The following AHNAK variants were observed in gnomAD, a reference collection of about 807,000 sequenced individuals.
AHNAK encodes AHNAK nucleoprotein.
In AHNAK, 23 loss-of-function variants were observed where a neutral mutation model predicts 37.8. The ratio of observed to expected loss-of-function variants is 0.61; its 90% CI spans 0.44 to 0.86. The LOEUF (loss-of-function observed/expected upper bound fraction) is 0.86, where lower values mean the gene tolerates loss of function less well. Among genes scored for constraint, AHNAK ranks in the 40% least tolerant of loss-of-function variants. The probability of loss-of-function intolerance (pLI) is 0.00; values close to 1 mark genes in which losing one functional copy is unlikely to be tolerated. For missense variants in AHNAK, 7,411 were observed against 7,319.4 expected, an observed-to-expected ratio of 1.01 and a Z score of -0.46; for synonymous variants, 2,481 against 2,636.3, an observed-to-expected ratio of 0.94 and a Z score of 1.80.
At chr11:62,483,851 T>A (rs979668155) in intron 5 of AHNAK, among the ~76,000 whole-genome samples, 2 of 120,950 alleles carry the variant, frequency 1.7e-5, no homozygotes, top group Non-Finnish European at 3.3e-5. Context: ...AGAGCAAGAC[T>A]CCATCTCAAA....
intron 5 of AHNAK, among the ~76,000 whole-genome samples, chr11:62,467,423 G>A (rs1193339159): frequency 6.6e-6 from 1 of 152,094 alleles, no homozygotes; most frequent in Non-Finnish European, 1.5e-5. Context: ...AGTGGCTCAC[G>A]CCTGTAATCC....
In AHNAK at chr11:62,519,673, T is replaced by C. The variant is rs760626367; in HGVS notation, c.14744A>G (p.Lys4915Arg). The change falls in exon 5 of 5, where the codon AAA (lysine) becomes AGA (arginine). Residue 4915 changes from lysine (K) to arginine (R), a missense_variant. Coordinates refer to ENST00000378024, the MANE Select transcript of AHNAK (RefSeq NM_001620.3). ...KMPSLEISAPKVTAPDVDLHL... is the reference protein window; with the variant it reads ...KMPSLEISAPRVTAPDVDLHL... ...CAAATCAACATCAGGAGCAGTTACT[T>C]TAGGAGCAGATATCTCCAGCGATGG... 1.2e-6 allele frequency: 2 copies of C among 1,613,974 alleles called. No homozygotes were observed. The highest frequency in any genetic ancestry group is 2.7e-5 in the African/African-American group (2 of 75,012).
chr11:62,528,478 G>A lies in AHNAK; in HGVS notation c.5939C>T (p.Pro1980Leu). 1 of 1,613,122 alleles carries A rather than the reference G, an allele frequency of 6.2e-7. No homozygotes were observed. The highest frequency in any genetic ancestry group is 8.5e-7 in the Non-Finnish European group (1 of 1,179,806). Residue 1980 changes from proline (P) to leucine (L), a missense_variant, in exon 5 of 5, where the codon CCT becomes CTT. Physicochemically the swap from Pro to Leu is moderately conservative, Grantham distance 98 (BLOSUM62 -3). Transcript: ENST00000378024. ...AKLKGPKFKM[P>L]EMHFKTPKIS... Reference sequence around the variant, plus strand: ...CTTGGGGGTCTTGAAGTGCATCTCAGGCATCTTAAACTTGGGCCCTTTCAA... The same window carrying A: ...CTTGGGGGTCTTGAAGTGCATCTCAAGCATCTTAAACTTGGGCCCTTTCAA...
At chr11:62,440,184 G>A (rs1354486681) in intron 5 of AHNAK, among the ~76,000 whole-genome samples, 2 of 152,150 alleles carry the variant, frequency 1.3e-5, no homozygotes, top group South Asian at 2.1e-4. Flanking sequence ...GGGGGTGGCC[G>A]GGAGGTAGAA....
chr11:62,498,071 C>G (rs548783626), intron 4 of AHNAK, among the ~76,000 whole-genome samples: 2 of 151,912 alleles, frequency 1.3e-5, no homozygotes, highest in Non-Finnish European at 2.9e-5. Context: ...ATGAAAAGAA[C>G]GAGGTAGGTC....
rs749154073 is a variant in AHNAK, at chr11:62,521,877, T to G, written c.12540A>C (p.Gln4180His). 42 of 1,604,010 alleles carry G rather than the reference T, an allele frequency of 2.6e-5. No individual in the cohort carries two copies. In the Middle Eastern group the frequency reaches 1.5e-3, roughly 57 times the overall value. Residue 4180 changes from glutamine to histidine, a missense_variant, in exon 5 of 5, where the codon CAA (glutamine) becomes CAC (histidine). Gln to His is a conservative substitution (Grantham distance 24, BLOSUM62 0). Coordinates refer to ENST00000378024, the MANE Select transcript of AHNAK (RefSeq NM_001620.3). The stretch of plus-strand genomic sequence containing the variant: ...GCATTTTTAAGTGCCAGTCTGGGCC[T>G]TGAACGTCCACATCTGGGACATCAA... ...VDIDVPDVDV[Q>H]GPDWHLKMPK...
chr11:62,486,980 G>T (rs1029067937), intron 5 of AHNAK, among the ~76,000 whole-genome samples: 1 of 152,102 alleles, frequency 6.6e-6, no homozygotes, highest in Non-Finnish European at 1.5e-5. Flanking sequence ...ACTCCAAATA[G>T]ACGCCTATTC....
chr11:62,449,393 A>G (rs947168985), intron 5 of AHNAK, among the ~76,000 whole-genome samples: 4 of 152,164 alleles, frequency 2.6e-5, no homozygotes, highest in Non-Finnish European at 5.9e-5. Context: ...AGAAAAGCTG[A>G]AACCAGAGAG....
At position 62,522,232 on chromosome 11, in the gene AHNAK, T is replaced by C; in HGVS notation, c.12185A>G (p.Lys4062Arg). 1 of 1,613,064 alleles carries C rather than the reference T, an allele frequency of 6.2e-7. No individual in the cohort carries two copies. The highest frequency in any genetic ancestry group is 1.7e-4 in the Middle Eastern group (1 of 6,056). Residue 4062 changes from lysine (K) to arginine (R), a missense_variant, in exon 5 of 5, where the codon AAG becomes AGG. Transcript: ENST00000378024. ...HGPDWHLKMP[K>R]VKMPKFSMPG... ...CATGCTGAATTTGGGCATTTTCACC[T>C]TGGGCATCTTCAGGTGCCAGTCTGG...
intron 5 of AHNAK, among the ~76,000 whole-genome samples, chr11:62,489,832 T>G (rs1939467733): frequency 6.6e-6 from 1 of 151,296 alleles, no homozygotes; most frequent in Admixed American, 6.6e-5. Context: ...TTCGAGGTTG[T>G]GGGAAGAGGG....
In AHNAK at chr11:62,530,736, T is replaced by C; in HGVS notation, c.3681A>G (p.Pro1227=). 2 of 1,614,050 alleles carry C rather than the reference T, an allele frequency of 1.2e-6. No individual in the cohort carries two copies. Among genetic ancestry groups the C allele is most frequent in the Non-Finnish European group, 1.7e-6 (2 of 1,180,010 alleles). ...VPKVEGEMKV[P]DVEIKGPKMD... is the part of the protein sequence containing the mutation. Reference sequence around the variant, plus strand: ...TTTTGGGTCCTTTGATTTCAACATCTGGCACTTTCATTTCACCTTCTACCT... The same window carrying C: ...TTTTGGGTCCTTTGATTTCAACATCCGGCACTTTCATTTCACCTTCTACCT... The change falls in exon 5 of 5, where the codon CCA becomes CCG. Residue 1227 remains proline (P), a synonymous_variant. Coordinates refer to ENST00000378024, the MANE Select transcript of AHNAK (RefSeq NM_001620.3).
chr11:62,433,909 A>C lies in AHNAK; in HGVS notation c.443-18T>G, dbSNP rs1297047967. ...CTACAGTCCTGTAAAACAACAACAA[A>C]GAGATTTATATTCAACACACTATTT... is the stretch of plus-strand genomic sequence containing the variant. On this transcript the variant is annotated intron_variant, in intron 5 of 5. Transcript: ENST00000257247. 1.9e-6 allele frequency: 3 copies of C among 1,612,932 alleles called. No individual in the cohort carries two copies. In the East Asian group the frequency reaches 6.7e-5, roughly 36 times the overall value.
chr11:62,510,471 C>T (rs768911498), intron 4 of AHNAK, among the ~76,000 whole-genome samples: 10 of 151,628 alleles, frequency 6.6e-5, no homozygotes, highest in Non-Finnish European at 1.3e-4. Context: ...GAGCCAGGTG[C>T]GGTGGCTCAT....
At chr11:62,513,250 G>A (rs2134184486), downstream of AHNAK, among the ~76,000 whole-genome samples, 1 of 152,232 alleles carries the variant, frequency 6.6e-6, no homozygotes, top group Admixed American at 6.5e-5. Flanking sequence ...AGACTTTAGG[G>A]GATAGGCCGG....
Position 62,522,457 on chromosome 11 carries a change from G to A in AHNAK, c.11960C>T (p.Pro3987Leu). 2 of 1,613,514 alleles carry A rather than the reference G, an allele frequency of 1.2e-6. No individual in the cohort carries two copies. Among genetic ancestry groups the A allele is most frequent in the Non-Finnish European group, 1.7e-6 (2 of 1,179,946 alleles). Residue 3987 changes from proline (P) to leucine (L), a missense_variant, in exon 5 of 5, where the codon CCT becomes CTT. Physicochemically the swap from Pro to Leu is moderately conservative, Grantham distance 98. Transcript: ENST00000378024. ...IEGPDAKLKG[P>L]KFKMPEMNIK... ...GTTCATCTCTGGCATCTTGAATTTA[G>A]GGCCCTTCAGTTTCGCATCTGGACC...
chr11:62,447,988 C>T (rs548633933), intron 5 of AHNAK, among the ~76,000 whole-genome samples: 1 of 152,014 alleles, frequency 6.6e-6, no homozygotes, highest in African/African-American at 2.4e-5. Flanking sequence ...CCTCTCAGGT[C>T]GTGGGCAGTG....
chr11:62,498,826 T>C (rs1450789021), intron 4 of AHNAK, among the ~76,000 whole-genome samples: 1 of 152,088 alleles, frequency 6.6e-6, no homozygotes, highest in Non-Finnish European at 1.5e-5. Flanking sequence ...TCTTTGGAAA[T>C]GTTGGCTCTA....
rs1213358975 is a variant in AHNAK, at chr11:62,525,577, T to C, written c.8840A>G (p.Lys2947Arg). ...VNIEGPEGKL[K>R]GPKFKMPEMN... is the part of the protein sequence containing the mutation. ...CTCTGGCATCTTGAACTTGGGCCCT[T>C]TCAACTTTCCCTCTGGTCCTTCAAT... The change falls in exon 5 of 5, where the codon AAA becomes AGA. Residue 2947 changes from lysine (K) to arginine (R), a missense_variant. Lys to Arg is a conservative substitution (Grantham distance 26). Coordinates refer to ENST00000378024, the MANE Select transcript of AHNAK (RefSeq NM_001620.3). 1 of 1,613,964 alleles carries C rather than the reference T, an allele frequency of 6.2e-7. No homozygotes were observed. Among genetic ancestry groups the C allele is most frequent in the Admixed American group, 1.7e-5 (1 of 60,000 alleles).
chr11:62,528,450 G>A lies in AHNAK; in HGVS notation c.5967C>T (p.Ile1989=). 2 of 1,613,800 alleles carry A rather than the reference G, an allele frequency of 1.2e-6. No homozygotes were observed. The highest frequency in any genetic ancestry group is 1.3e-5 in the African/African-American group (1 of 74,872). Residue 1989 remains isoleucine, a synonymous_variant, in exon 5 of 5, where the codon ATC becomes ATT. Coordinates refer to ENST00000378024, the MANE Select transcript of AHNAK (RefSeq NM_001620.3). ...MPEMHFKTPK[I]SMPDVDLHLK... ...GGTGTAAGTCCACATCAGGCATGGAGATCTTGGGGGTCTTGAAGTGCATCT... is the reference window on the plus strand; with the variant it reads ...GGTGTAAGTCCACATCAGGCATGGAAATCTTGGGGGTCTTGAAGTGCATCT...
Sources: gnomAD v4.1 joint callset for allele counts (sites outside exome capture counted in the v4.1 genomes callset) on GRCh38, gnomAD v4.1.1 for gene constraint, MANE v1.5 for transcripts, NCBI Gene and HGNC (gene_info 2026-07-23, HGNC 2026-07-21) for gene names.